The following F5 variants were observed in gnomAD, a reference collection of about 807,000 sequenced individuals.
F5 encodes the protein activated protein c cofactor.
F5 carries 138 observed loss-of-function variants against 216.4 expected under a neutral mutation model. That is an observed-to-expected ratio of 0.64 (90% CI 0.56 to 0.73). The LOEUF (loss-of-function observed/expected upper bound fraction) is 0.73. Among genes scored for constraint, F5 ranks in the 30% least tolerant of loss-of-function variants. The pLI is 0.00. For synonymous variants in F5, 916 were observed against 930.7 expected (o/e 0.98, Z 0.29); for missense variants, 2,403 against 2,674.0 (o/e 0.90, Z 2.24).
rs370743901 is a variant in F5, at chr1:169,521,855, G to C, written c.6049-1191C>G. ...AGGATGGTCTTGATCTCTTGACCTC[G>C]TGATCTGCCCACCTCGGCCTCCCAA... On this transcript the variant is annotated intron_variant, in intron 21 of 24. Transcript: ENST00000367797. Among the ~76,000 whole-genome samples, 679 of 151,880 alleles carry C rather than the reference G, an allele frequency of 4.5e-3. 6 individuals are homozygous for C. The highest frequency in any genetic ancestry group is 0.016 in the African/African-American group (648 of 41,406).
chr1:169,571,517 G>A (rs988835360), intron 3 of F5, among the ~76,000 whole-genome samples: 3 of 152,088 alleles, frequency 2.0e-5, no homozygotes, highest in African/African-American at 7.2e-5. Flanking sequence ...ACTTCACTAT[G>A]TCCAAAAGTC....
intron 11 of F5, 82 bp from the exon 12 acceptor site, chr1:169,544,590 C>T (rs1351641387): frequency 1.1e-5 from 13 of 1,167,252 alleles, no homozygotes; most frequent in African/African-American, 1.5e-5. Flanking sequence ...ATAAATGTCT[C>T]CATGTTAATT....
At chr1:169,576,673 C>G (rs1370481617) in intron 2 of F5, among the ~76,000 whole-genome samples, 2 of 152,142 alleles carry the variant, frequency 1.3e-5, no homozygotes, top group Non-Finnish European at 2.9e-5. Flanking sequence ...CTGACTGACC[C>G]CCCTCTTCCA....
In F5 at chr1:169,541,747, G is replaced by A; in HGVS notation, c.3343C>T (p.Pro1115Ser). The A allele has an allele frequency of 6.2e-7, 1 of 1,614,062 alleles. No individual in the cohort carries two copies. The highest frequency in any genetic ancestry group is 8.5e-7 in the Non-Finnish European group (1 of 1,179,992). ...GGGGGCACTGTCTGATAAAGACCTGGAGGACAGCTTGCCTGACCAGTGTCA... is the reference window on the plus strand; with the variant it reads ...GGGGGCACTGTCTGATAAAGACCTGAAGGACAGCTTGCCTGACCAGTGTCA... ...SNDTGQASCP[P>S]GLYQTVPPEE... Residue 1115 changes from proline to serine, a missense_variant, in exon 13 of 25, where the codon CCA becomes TCA. By Grantham distance (74) the Pro-to-Ser change is moderately conservative. Coordinates refer to ENST00000367797, the MANE Select transcript of F5 (RefSeq NM_000130.5).
At chr1:169,546,978 AAAAAAG>A (rs1391524772) in intron 10 of F5, among the ~76,000 whole-genome samples, 66 of 93,254 alleles carry the variant, frequency 7.1e-4, no homozygotes, top group African/African-American at 9.4e-4. Flanking sequence ...AAAAAAAAAA[AAAAAAG>A]AAAAGAAAAG....
chr1:169,530,772 A>G lies in F5; in HGVS notation c.5208+14T>C, dbSNP rs573522012. 30 of 1,608,502 alleles carry G rather than the reference A, an allele frequency of 1.9e-5. No individual in the cohort carries two copies. The highest frequency in any genetic ancestry group is 4.5e-5 in the East Asian group (2 of 44,856). Reference sequence around the variant, plus strand: ...GTTAGGGGAATGAGAAAAACTTTCAATGAAAGTACCTACTGGGTTCACAGC... The same window carrying G: ...GTTAGGGGAATGAGAAAAACTTTCAGTGAAAGTACCTACTGGGTTCACAGC... On this transcript the variant is annotated intron_variant, in intron 15 of 24. Coordinates refer to ENST00000367797, the MANE Select transcript of F5 (RefSeq NM_000130.5).
chr1:169,544,223 G>T, intron 12 of F5, 73 bp downstream of exon 12: 1 of 1,246,330 alleles, frequency 8.0e-7, no homozygotes, highest in South Asian at 1.2e-5. Flanking sequence ...GTAGCCTGGA[G>T]AGTTGCAGCA....
chr1:169,540,291 A>G lies in F5; in HGVS notation c.4796+3T>C. On this transcript the variant is annotated splice_donor_region_variant and intron_variant, in intron 13 of 24. Coordinates refer to ENST00000367797, the MANE Select transcript of F5 (RefSeq NM_000130.5). ...GAATAAAAAAGGAGAAAACTGGCCA[A>G]ACCTTTGTACAAATTCTGAATAATC... The G allele has an allele frequency of 6.2e-7, 1 of 1,613,774 alleles. No homozygotes were observed. The highest frequency in any genetic ancestry group is 8.5e-7 in the Non-Finnish European group (1 of 1,179,782).
intron 7 of F5, 81 bp from the exon 8 acceptor site, chr1:169,552,815 A>C: frequency 9.4e-7 from 1 of 1,067,968 alleles, no homozygotes; most frequent in Non-Finnish European, 1.4e-6. Flanking sequence ...GTGCTTAAAC[A>C]TTCTGCTCTT....
chr1:169,532,381 C>T (rs915700071), intron 14 of F5, among the ~76,000 whole-genome samples: 3 of 152,026 alleles, frequency 2.0e-5, no homozygotes, highest in Non-Finnish European at 2.9e-5. Flanking sequence ...TAAAAGGCAA[C>T]CAAAGAAGAA....
chr1:169,528,478 G>A (rs1174642454), intron 16 of F5, among the ~76,000 whole-genome samples: 1 of 152,172 alleles, frequency 6.6e-6, no homozygotes, highest in East Asian at 1.9e-4. Flanking sequence ...AGGGATTAGA[G>A]TCAGCAAGGA....
At chr1:169,529,883 CTCA>C (rs1170909075) in intron 15 of F5, 65 bp from the exon 16 acceptor site, 14 of 1,355,756 alleles carry the variant, frequency 1.0e-5, no homozygotes, top group Non-Finnish European at 1.4e-5. Flanking sequence ...CTGATAATCA[CTCA>C]TCATATAGAA....
At chr1:169,535,068 T>C (rs1421719102) in intron 14 of F5, among the ~76,000 whole-genome samples, 2 of 152,128 alleles carry the variant, frequency 1.3e-5, no homozygotes, top group Admixed American at 6.6e-5. Flanking sequence ...TGAAAAACTA[T>C]TGGGTACTAT....
At chr1:169,568,809 G>C (rs573779393) in intron 3 of F5, among the ~76,000 whole-genome samples, 121 of 152,188 alleles carry the variant, frequency 8.0e-4, no homozygotes, top group African/African-American at 2.8e-3. Context: ...TACAAGCTTT[G>C]GGAAAGTGAA....
chr1:169,541,504 AGAG>A lies in F5; in HGVS notation c.3583_3585del (p.Leu1195del). 1.2e-6 allele frequency: 2 copies of A among 1,614,048 alleles called. No individual in the cohort carries two copies. The highest frequency in any genetic ancestry group is 8.5e-7 in the Non-Finnish European group (1 of 1,179,994). The stretch of plus-strand genomic sequence containing the variant: ...AGGTTTGTCTGGCTGAGTTCTGGAG[AGAG>A]GGTCACCTGGCTGAGGTCTGGAGAG... On this transcript the variant is annotated inframe_deletion, in exon 13 of 25. Coordinates refer to ENST00000367797, the MANE Select transcript of F5 (RefSeq NM_000130.5).
Position 169,586,212 on chromosome 1 carries a change from C to T in F5, c.158+17G>A. ...TCCTCTCTAGAGAAGCCCACCCGGACTCCACACCTGAGTTACCTTGAGTTT... is the reference window on the plus strand; with the variant it reads ...TCCTCTCTAGAGAAGCCCACCCGGATTCCACACCTGAGTTACCTTGAGTTT... On this transcript the variant is annotated intron_variant, in intron 1 of 24. Transcript: ENST00000367797. 1 of 1,613,960 alleles carries T rather than the reference C, an allele frequency of 6.2e-7. No homozygotes were observed. The highest frequency in any genetic ancestry group is 8.5e-7 in the Non-Finnish European group (1 of 1,180,012).
intron 22 of F5, among the ~76,000 whole-genome samples, chr1:169,519,879 CAAG>C (rs1193076738): frequency 6.6e-6 from 1 of 152,038 alleles, no homozygotes; most frequent in Non-Finnish European, 1.5e-5. Flanking sequence ...TTTAAGAGTC[CAAG>C]AAGAACAGTT....
chr1:169,570,840 C>T (rs1660705977), intron 3 of F5, among the ~76,000 whole-genome samples: 1 of 152,032 alleles, frequency 6.6e-6, no homozygotes, highest in Non-Finnish European at 1.5e-5. Flanking sequence ...TCTAAGATTT[C>T]ACGACAACAA....
intron 9 of F5, 53 bp downstream of exon 9, chr1:169,550,587 G>T: frequency 7.3e-7 from 1 of 1,363,360 alleles, no homozygotes; most frequent in Non-Finnish European, 1.1e-6. Flanking sequence ...AGAAAAATGT[G>T]GCAGCCTCTC....
Sources: allele counts gnomAD v4.1 joint callset (sites outside exome capture counted in the v4.1 genomes callset), GRCh38; gene constraint gnomAD v4.1.1; transcripts MANE v1.5; gene names NCBI Gene and HGNC (gene_info 2026-07-23, HGNC 2026-07-21).